DNAH14: variants seen among roughly 807,000 people sequenced by gnomAD.
DNAH14 encodes dynein axonemal heavy chain 14.
A neutral mutation model predicts 520.9 loss-of-function variants in DNAH14; 478 were observed. The ratio of observed to expected loss-of-function variants is 0.92; its 90% CI spans 0.85 to 0.99. DNAH14 has a LOEUF of 0.99. DNAH14 is among the 50% of genes least tolerant of loss of function. The pLI is 0.00. For missense variants in DNAH14, 4,831 were observed against 5,234.5 expected, an observed-to-expected ratio of 0.92 and a Z score of 2.38; for synonymous variants, 1,581 against 1,757.2, an observed-to-expected ratio of 0.90 and a Z score of 2.51.
At chr1:225,199,461 A>C (rs2086546382) in intron 38 of DNAH14, among the ~76,000 whole-genome samples, 1 of 151,734 alleles carries the variant, frequency 6.6e-6, no homozygotes, top group African/African-American at 2.4e-5. Flanking sequence ...AGTCTTTTTG[A>C]TATAAGTGTT....
At chr1:225,353,102 T>TATTA (rs1238231751) in intron 72 of DNAH14, among the ~76,000 whole-genome samples, 3 of 152,032 alleles carry the variant, frequency 2.0e-5, no homozygotes, top group African/African-American at 7.2e-5. Flanking sequence ...AACACATCAA[T>TATTA]ATTATCTGCA....
intron 1 of DNAH14, among the ~76,000 whole-genome samples, chr1:224,946,793 T>C (rs529069157): frequency 6.6e-6 from 1 of 152,054 alleles, no homozygotes; most frequent in Non-Finnish European, 1.5e-5. Context: ...GTATATTTGG[T>C]GTGAGTCAGG....
chr1:225,105,026 G>T (rs1326655283), intron 23 of DNAH14, among the ~76,000 whole-genome samples: 3 of 152,146 alleles, frequency 2.0e-5, no homozygotes, highest in African/African-American at 7.2e-5. Context: ...GGCATTTAGT[G>T]CTATAAATTT....
intron 27 of DNAH14, among the ~76,000 whole-genome samples, chr1:225,126,102 G>A (rs1180909252): frequency 6.6e-6 from 1 of 152,100 alleles, no homozygotes; most frequent in Non-Finnish European, 1.5e-5. Context: ...AATTACAATA[G>A]TAACATCCAA....
chr1:225,150,177 G>A (rs1175286116), intron 31 of DNAH14, among the ~76,000 whole-genome samples: 2 of 152,074 alleles, frequency 1.3e-5, no homozygotes, highest in Admixed American at 1.3e-4. Context: ...CTTTAGTTTT[G>A]TTTATGTAAT....
chr1:225,145,735 A>G (rs1231311481), intron 30 of DNAH14, among the ~76,000 whole-genome samples: 2 of 152,210 alleles, frequency 1.3e-5, no homozygotes, highest in Non-Finnish European at 2.9e-5. Context: ...TCCTAACCCC[A>G]TACATTTATT....
At chr1:225,218,323 A>G (rs1274776883) in intron 41 of DNAH14, among the ~76,000 whole-genome samples, 1 of 152,220 alleles carries the variant, frequency 6.6e-6, no homozygotes, top group Admixed American at 6.5e-5. Flanking sequence ...CCTTAAATGT[A>G]AATGGGCTAA....
chr1:224,958,088 TG>T (rs2060621643), intron 3 of DNAH14, among the ~76,000 whole-genome samples: 1 of 152,058 alleles, frequency 6.6e-6, no homozygotes, highest in Non-Finnish European at 1.5e-5. Context: ...GGTGCACATG[TG>T]GGTTGCTTTG....
chr1:225,351,928 A>T, intron 72 of DNAH14, 45 bp downstream of exon 72: 1 of 1,418,860 alleles, frequency 7.0e-7, no homozygotes, highest in Non-Finnish European at 9.5e-7. Flanking sequence ...GTATGTGTGT[A>T]TGTGTATGGA....
intron 41 of DNAH14, among the ~76,000 whole-genome samples, chr1:225,229,928 T>G (rs536798091): frequency 1.3e-5 from 2 of 152,090 alleles, no homozygotes; most frequent in East Asian, 3.9e-4. Context: ...AAAATAAAAA[T>G]GTATATATTT....
At chr1:225,041,558 A>C (rs1572648800) in intron 12 of DNAH14, among the ~76,000 whole-genome samples, 1 of 152,210 alleles carries the variant, frequency 6.6e-6, no homozygotes, top group African/African-American at 2.4e-5. Flanking sequence ...GCCTTACCAC[A>C]TGCTAGCAAT....
At chr1:225,085,293 G>A (rs1388546907) in intron 20 of DNAH14, among the ~76,000 whole-genome samples, 5 of 152,088 alleles carry the variant, frequency 3.3e-5, no homozygotes, top group Non-Finnish European at 7.4e-5. Context: ...CTTTATAACT[G>A]GCTAGAATCA....
chr1:224,948,655 A>G (rs1239986262), intron 1 of DNAH14, among the ~76,000 whole-genome samples: 1 of 151,388 alleles, frequency 6.6e-6, no homozygotes, highest in Non-Finnish European at 1.5e-5. Context: ...CTCCTCTTAG[A>G]TGGGTTGCTT....
chr1:224,935,532 T>G lies in DNAH14; in HGVS notation c.-34+5697T>G, dbSNP rs1171672433. ...TTAATCCAGCAGGAAGATACAACAG[T>G]TCTAAATATATGCAACCAACACTGG... On this transcript the variant is annotated intron_variant, in intron 1 of 85. Coordinates refer to ENST00000682510, the MANE Select transcript of DNAH14 (RefSeq NM_001367479.1). 2.6e-5 allele frequency among the ~76,000 whole-genome samples: 4 copies of G among 151,934 alleles called. No individual in the cohort carries two copies. The East Asian group carries it at 7.7e-4, about 29-fold the overall frequency.
intron 75 of DNAH14, among the ~76,000 whole-genome samples, chr1:225,364,503 A>C (rs914079658): frequency 6.6e-6 from 1 of 152,150 alleles, no homozygotes; most frequent in Non-Finnish European, 1.5e-5. Context: ...CCCAAATTCA[A>C]TCAGTAGAAC....
At chr1:225,274,297 C>T (rs1019891398) in intron 52 of DNAH14, among the ~76,000 whole-genome samples, 27 of 150,224 alleles carry the variant, frequency 1.8e-4, no homozygotes, top group African/African-American at 6.1e-4. Context: ...CTCCGCCTTC[C>T]GGGTTCACGC....
intron 49 of DNAH14, among the ~76,000 whole-genome samples, chr1:225,268,353 C>A (rs1035496092): frequency 1.3e-5 from 2 of 152,094 alleles, no homozygotes; most frequent in African/African-American, 2.4e-5. Flanking sequence ...CTATTTATGA[C>A]AAACTCACAG....
chr1:225,207,283 C>T lies in DNAH14; in HGVS notation c.6439+63C>T, dbSNP rs2087706299. 6 of 1,391,616 alleles carry T rather than the reference C, an allele frequency of 4.3e-6. No homozygotes were observed. The South Asian group carries it at 8.7e-5, about 20-fold the overall frequency. The allele number at this position is 1,391,616 out of a possible 1,614,324, so 86.2% of individuals were successfully genotyped here. A position where few individuals can be genotyped will look rare whatever the true frequency, so the allele number is the denominator to read the frequency against. On this transcript the variant is annotated intron_variant, in intron 41 of 85. Transcript: ENST00000682510. Reference sequence around the variant, plus strand: ...TTAGCTAGTCAATGCTAATTCATCACCGTCTATTAGATTTTAGAAAATTTT... The same window carrying T: ...TTAGCTAGTCAATGCTAATTCATCATCGTCTATTAGATTTTAGAAAATTTT...
At chr1:225,154,813 A>G (rs968644320) in intron 34 of DNAH14, among the ~76,000 whole-genome samples, 2 of 152,130 alleles carry the variant, frequency 1.3e-5, no homozygotes, top group African/African-American at 4.8e-5. Flanking sequence ...AGCCACAAAA[A>G]AAAAGATTTA....
Sources: allele counts gnomAD v4.1 joint callset (sites outside exome capture counted in the v4.1 genomes callset), GRCh38; gene constraint gnomAD v4.1.1; transcripts MANE v1.5; gene names NCBI Gene and HGNC (gene_info 2026-07-23, HGNC 2026-07-21).